AGR3: variants seen among roughly 807,000 people sequenced by gnomAD.
AGR3 encodes the protein anterior gradient protein 3.
Under a neutral mutation model 24.5 loss-of-function variants are expected in AGR3, and 37 were observed. That is an observed-to-expected ratio of 1.51 (90% CI 1.16 to 1.99). AGR3 has a LOEUF of 1.99. Ranked by LOEUF, AGR3 falls within the 30% of genes most tolerant of loss-of-function variation. The pLI, the probability that AGR3 is intolerant of heterozygous loss-of-function variation, is 0.00. For missense variants in AGR3, 228 were observed against 191.1 expected (o/e 1.19, Z -1.14); for synonymous variants, 75 against 61.6 (o/e 1.22, Z -1.02).
intron 2 of AGR3, among the ~76,000 whole-genome samples, chr7:16,874,528 A>G (rs867334715): frequency 1.3e-5 from 2 of 152,112 alleles, no homozygotes; most frequent in Non-Finnish European, 2.9e-5. Context: ...AAGTAGAAGA[A>G]TGTGCAGAAC....
At chr7:16,866,136 C>G in intron 3 of AGR3, 1 of 541,600 alleles carries the variant, frequency 1.8e-6, no homozygotes, top group Non-Finnish European at 3.6e-6. Context: ...AAATATCTTA[C>G]TTTCTAATGT....
chr7:16,865,013 C>G lies in AGR3; in HGVS notation c.174-2351G>C, dbSNP rs1011774915. ...ATTTCTACTACCTCCTCAGGTTCAA[C>G]AAGTATGTATCCTGTTCATATTCTG... On this transcript the variant is annotated intron_variant, in intron 3 of 7. Coordinates refer to ENST00000310398, the MANE Select transcript of AGR3 (RefSeq NM_176813.5). 1.3e-5 allele frequency: 11 copies of G among 868,990 alleles called. No individual in the cohort carries two copies. The African/African-American group carries it at 1.8e-4, about 14-fold the overall frequency. 53.8% of individuals were successfully genotyped at this position (868,990 alleles called of 1,614,324 possible).
chr7:16,862,518 A>C (rs1228952008), intron 4 of AGR3, 92 bp downstream of exon 4: 6 of 713,814 alleles, frequency 8.4e-6, no homozygotes, highest in Non-Finnish European at 1.3e-5. Context: ...GGATTTGCTG[A>C]GCGCCTTCTT....
downstream of AGR3, among the ~76,000 whole-genome samples, chr7:16,856,511 A>G (rs144941281): frequency 2.6e-5 from 4 of 152,328 alleles, no homozygotes; most frequent in Middle Eastern, 6.8e-3. Flanking sequence ...TATTTTGAAA[A>G]TGTTGTTTAT....
intron 3 of AGR3, chr7:16,864,181 G>A (rs1317037263): frequency 1.3e-6 from 1 of 782,162 alleles, no homozygotes; most frequent in African/African-American, 1.8e-5. Context: ...ATTCATCAGA[G>A]AAGTATATTA....
chr7:16,865,113 G>C, intron 3 of AGR3: 4 of 742,318 alleles, frequency 5.4e-6, no homozygotes, highest in Admixed American at 4.2e-5. Flanking sequence ...TTTCCCCAAA[G>C]CTCGGAAGAG....
At chr7:16,869,608 T>C (rs1781825430) in intron 3 of AGR3, among the ~76,000 whole-genome samples, 3 of 151,384 alleles carry the variant, frequency 2.0e-5, no homozygotes, top group Admixed American at 2.0e-4. Flanking sequence ...ACATTTGTAG[T>C]CCTAGCCACT....
At chr7:16,879,386 A>T (rs1214687732) in intron 1 of AGR3, among the ~76,000 whole-genome samples, 1 of 152,206 alleles carries the variant, frequency 6.6e-6, no homozygotes, top group Non-Finnish European at 1.5e-5. Flanking sequence ...TATACTTTGC[A>T]CGTTAAGATA....
downstream of AGR3, among the ~76,000 whole-genome samples, chr7:16,855,338 T>C (rs528094604): frequency 1.2e-3 from 185 of 152,252 alleles, 2 homozygotes; most frequent in South Asian, 0.029. Flanking sequence ...TGTTACTGTA[T>C]CCTATCCTGG....
At position 16,873,734 on chromosome 7, in the gene AGR3, GTC is replaced by G. The variant is rs745860542; in HGVS notation, c.173+44_173+45del. On this transcript the variant is annotated intron_variant, in intron 3 of 7. Transcript: ENST00000310398. Reference sequence around the variant, plus strand: ...CCATAAATATGTACAATTATTATGAGTCTACTACAAATAAAAGGAAAAAAATG... The same window carrying G: ...CCATAAATATGTACAATTATTATGAGTACTACAAATAAAAGGAAAAAAATG... 3 of 1,367,208 alleles carry G rather than the reference GTC, an allele frequency of 2.2e-6. No individual in the cohort carries two copies. In the African/African-American group the frequency reaches 4.3e-5, roughly 20 times the overall value. 84.7% of individuals were successfully genotyped at this position (1,367,208 alleles called of 1,614,324 possible). A position where few individuals can be genotyped will look rare whatever the true frequency, so the allele number is the denominator to read the frequency against.
chr7:16,877,910 C>CAGATGAATATATA (rs1451386842), intron 2 of AGR3, among the ~76,000 whole-genome samples: 3 of 149,980 alleles, frequency 2.0e-5, no homozygotes, highest in Non-Finnish European at 3.0e-5. Flanking sequence ...TGTTTCTTTA[C>CAGATGAATATATA]AGATGAATAT....
At position 16,868,351 on chromosome 7, in the gene AGR3, C is replaced by T. The variant is rs533772658; in HGVS notation, c.173+5429G>A. Among the ~76,000 whole-genome samples, 81 of 152,206 alleles carry T rather than the reference C, an allele frequency of 5.3e-4. 2 individuals carry two copies. The South Asian group carries it at 0.016, about 29-fold the overall frequency. On this transcript the variant is annotated intron_variant, in intron 3 of 7. Coordinates refer to ENST00000310398, the MANE Select transcript of AGR3 (RefSeq NM_176813.5). ...TGTATTTTTAGTAGAGATGGGGTTT[C>T]TCCATGTTGGTCAGGCTAGTCTCGA...
In AGR3 at chr7:16,860,527, T is replaced by C; in HGVS notation, c.424A>G (p.Thr142Ala). The C allele has an allele frequency of 6.2e-7, 1 of 1,613,814 alleles. No homozygotes were observed. The highest frequency in any genetic ancestry group is 8.5e-7 in the Non-Finnish European group (1 of 1,179,730). ...IAGRYSNRLY[T>A]YEPRDLPLLI... ...AGGGGTAAATCCCGAGGCTCATATG[T>C]GTACAATCTGTTAGAGTATCTTCCA... The change falls in exon 7 of 8, where the codon ACA (threonine) becomes GCA (alanine). Residue 142 changes from threonine (T) to alanine (A), a missense_variant. Coordinates refer to ENST00000310398, the MANE Select transcript of AGR3 (RefSeq NM_176813.5).
chr7:16,867,547 A>G lies in AGR3; in HGVS notation c.174-4885T>C, dbSNP rs546169318. 2.4e-3 allele frequency among the ~76,000 whole-genome samples: 362 copies of G among 152,288 alleles called. 6 individuals carry two copies. Among genetic ancestry groups the G allele is most frequent in the African/African-American group, 8.4e-3 (350 of 41,564 alleles). On this transcript the variant is annotated intron_variant, in intron 3 of 7. Transcript: ENST00000310398. ...TTAAAATTTACTGTCAGCAATTTTC[A>G]TGTATAAAATATATTGTTATTAACT...
At chr7:16,877,394 T>C (rs1782007226) in intron 2 of AGR3, among the ~76,000 whole-genome samples, 1 of 150,112 alleles carries the variant, frequency 6.7e-6, no homozygotes, top group South Asian at 2.1e-4. Flanking sequence ...CACTTGGTTA[T>C]TCAAAACTAG....
chr7:16,856,028 A>G (rs1781552244), downstream of AGR3, among the ~76,000 whole-genome samples: 1 of 152,166 alleles, frequency 6.6e-6, no homozygotes, highest in Admixed American at 6.5e-5. Flanking sequence ...TGGGTACTGC[A>G]TCTTGTGTAA....
intron 3 of AGR3, chr7:16,865,873 C>T (rs1242531528): frequency 9.6e-6 from 7 of 729,590 alleles, no homozygotes; most frequent in South Asian, 4.3e-5. Flanking sequence ...TTTTTTTGGT[C>T]GTTGTCTTTC....
At chr7:16,857,013 A>G (rs1021386697), downstream of AGR3, among the ~76,000 whole-genome samples, 10 of 148,404 alleles carry the variant, frequency 6.7e-5, no homozygotes, top group Non-Finnish European at 1.0e-4. Flanking sequence ...TGGTCTCACT[A>G]TGTTGCCCAA....
intron 3 of AGR3, among the ~76,000 whole-genome samples, chr7:16,870,185 A>G (rs372744931): frequency 1.3e-5 from 2 of 151,806 alleles, no homozygotes; most frequent in African/African-American, 4.8e-5. Context: ...TGTCATTGTA[A>G]ATGAGGTATT....
Sources: allele counts gnomAD v4.1 joint callset (sites outside exome capture counted in the v4.1 genomes callset), GRCh38; gene constraint gnomAD v4.1.1; transcripts MANE v1.5; gene names NCBI Gene and HGNC (gene_info 2026-07-23, HGNC 2026-07-21).